Variants in FAM168A observed in about 807,000 individuals in gnomAD.
FAM168A encodes protein FAM168A.
In FAM168A, 3 loss-of-function variants were observed where a neutral mutation model predicts 28.5. The observed-to-expected ratio is 0.11, with a 90% CI of 0.05 to 0.27. The LOEUF (loss-of-function observed/expected upper bound fraction) is 0.27, where lower values mean the gene tolerates loss of function less well. Among genes scored for constraint, FAM168A ranks in the 10% least tolerant of loss-of-function variants. FAM168A has a pLI of 1.00. For missense variants in FAM168A, 222 were observed against 311.5 expected, an observed-to-expected ratio of 0.71 and a Z score of 2.16; for synonymous variants, 122 against 124.2, an observed-to-expected ratio of 0.98 and a Z score of 0.12.
At chr11:73,515,790 T>C (rs1448011553) in intron 1 of FAM168A, among the ~76,000 whole-genome samples, 1 of 152,102 alleles carries the variant, frequency 6.6e-6, no homozygotes, top group African/African-American at 2.4e-5. Flanking sequence ...AGGTAACATT[T>C]TGGCTCAGTC....
intron 1 of FAM168A, among the ~76,000 whole-genome samples, chr11:73,544,902 TATATA>T (rs1347069455): frequency 2.2e-5 from 2 of 90,526 alleles, no homozygotes; most frequent in Non-Finnish European, 3.8e-5. Context: ...TAAAATATAT[TATATA>T]ATATATATTA....
intron 1 of FAM168A, 33 bp from the exon 2 acceptor site, chr11:73,468,525 T>C (rs749917247): frequency 1.1e-5 from 17 of 1,503,922 alleles, no homozygotes; most frequent in Middle Eastern, 1.7e-4. Flanking sequence ...AGCACTGATA[T>C]TGATTGTTCA....
rs188770672 is a variant in FAM168A, at chr11:73,466,099, C to A, written c.70+2306G>T. ...AGAGAATTTCAAACCAGGAGTGTTTCCAACTCCTCTGTTCCCTGCAGCCAC... is the reference window on the plus strand; with the variant it reads ...AGAGAATTTCAAACCAGGAGTGTTTACAACTCCTCTGTTCCCTGCAGCCAC... On this transcript the variant is annotated intron_variant, in intron 2 of 7. Coordinates refer to ENST00000356467, the MANE Select transcript of FAM168A (RefSeq NM_015159.3). Among the ~76,000 whole-genome samples, 629 of 152,284 alleles carry A rather than the reference C, an allele frequency of 4.1e-3. 4 individuals are homozygous for A. The highest frequency in any genetic ancestry group is 7.1e-3 in the Non-Finnish European group (483 of 68,016).
intron 2 of FAM168A, among the ~76,000 whole-genome samples, chr11:73,464,348 G>A (rs1352246588): frequency 1.4e-5 from 2 of 138,228 alleles, no homozygotes; most frequent in African/African-American, 3.1e-5. Flanking sequence ...AACAAACACT[G>A]GTTTAAAAAA....
Position 73,478,391 on chromosome 11 carries a change from T to C in FAM168A, c.-18-9899A>G, listed in dbSNP as rs755225653. Among the ~76,000 whole-genome samples the C allele has an allele frequency of 9.2e-5, 14 of 152,188 alleles. 1 individual carries two copies. Among genetic ancestry groups the C allele is most frequent in the Non-Finnish European group, 7.3e-5 (5 of 68,028 alleles). ...AGAACACATATTGCATGATTCCATT[T>C]ATATGAAATGTTCAGAAAAGACAAA... is the stretch of plus-strand genomic sequence containing the variant. On this transcript the variant is annotated intron_variant, in intron 1 of 7. Coordinates refer to ENST00000356467, the MANE Select transcript of FAM168A (RefSeq NM_015159.3).
intron 1 of FAM168A, among the ~76,000 whole-genome samples, chr11:73,505,972 A>G (rs1416668012): frequency 6.6e-6 from 1 of 152,202 alleles, no homozygotes; most frequent in East Asian, 1.9e-4. Context: ...CAATATGACT[A>G]TACAAGCTCT....
intron 1 of FAM168A, among the ~76,000 whole-genome samples, chr11:73,565,700 T>C (rs970890640): frequency 6.6e-6 from 1 of 152,166 alleles, no homozygotes; most frequent in African/African-American, 2.4e-5. Context: ...TCTAACTTCA[T>C]AAAGAGCAGA....
chr11:73,529,395 A>C (rs1453142840), intron 1 of FAM168A, among the ~76,000 whole-genome samples: 1 of 152,142 alleles, frequency 6.6e-6, no homozygotes, highest in Non-Finnish European at 1.5e-5. Flanking sequence ...GGATTTTAAA[A>C]ATGGGCTCCA....
At chr11:73,537,958 G>A (rs571733053) in intron 1 of FAM168A, among the ~76,000 whole-genome samples, 1 of 152,192 alleles carries the variant, frequency 6.6e-6, no homozygotes, top group South Asian at 2.1e-4. Flanking sequence ...AAATAGAAGG[G>A]AATAATTAAT....
At chr11:73,484,618 CTATATA>C (rs1220474907) in intron 1 of FAM168A, among the ~76,000 whole-genome samples, 86 of 140,466 alleles carry the variant, frequency 6.1e-4, no homozygotes, top group African/African-American at 2.2e-3. Context: ...CGATATATAT[CTATATA>C]TAGATATCTA....
chr11:73,532,059 C>T (rs954764870), intron 1 of FAM168A, among the ~76,000 whole-genome samples: 1 of 151,046 alleles, frequency 6.6e-6, no homozygotes, highest in African/African-American at 2.4e-5. Context: ...GCAGTCTACC[C>T]TCCTTGGCCT....
rs74843763 is a variant in FAM168A, at chr11:73,586,644, T to G, written c.-19+11279A>C. 8.7e-3 allele frequency among the ~76,000 whole-genome samples: 1,318 copies of G among 152,326 alleles called. 30 individuals carry two copies. The highest frequency in any genetic ancestry group is 0.03 in the African/African-American group (1,265 of 41,562). ...TAGCACTATGACTTGTCTAGACTAC[T>G]TCTTTCTCCATTCTCCTCTGTCCAA... On this transcript the variant is annotated intron_variant, in intron 1 of 7. Transcript: ENST00000356467.
At chr11:73,580,527 T>C in intron 1 of FAM168A, 1 of 593,730 alleles carries the variant, frequency 1.7e-6, no homozygotes, top group Non-Finnish European at 3.2e-6. Context: ...AAGCGAAGTG[T>C]GTGCATTTTT....
chr11:73,575,514 C>T (rs78317778), intron 1 of FAM168A, among the ~76,000 whole-genome samples: 1,911 of 152,212 alleles, frequency 0.013, 48 homozygotes, highest in African/African-American at 0.044. Context: ...AGTTACTAAA[C>T]GTGTCTTAAC....
At chr11:73,498,326 T>A (rs1359334256) in intron 1 of FAM168A, among the ~76,000 whole-genome samples, 1 of 152,082 alleles carries the variant, frequency 6.6e-6, no homozygotes, top group Non-Finnish European at 1.5e-5. Context: ...GGACCCCCCC[T>A]TCCCCCCAGC....
intron 1 of FAM168A, among the ~76,000 whole-genome samples, chr11:73,505,001 T>A (rs1855078508): frequency 6.6e-6 from 1 of 151,758 alleles, no homozygotes; most frequent in African/African-American, 2.4e-5. Flanking sequence ...CCAGGGCCTG[T>A]TGCAGGGTGA....
chr11:73,430,510 C>G lies in FAM168A; in HGVS notation c.151+180G>C, dbSNP rs574128406. On this transcript the variant is annotated intron_variant, in intron 3 of 7. Coordinates refer to ENST00000356467, the MANE Select transcript of FAM168A (RefSeq NM_015159.3). ...GACAGAGTGGAGGAGATTCTATTCC[C>G]GCCCCTACCCTGAGGCTGATTGTCC... 3.1e-4 allele frequency: 183 copies of G among 587,706 alleles called. 1 individual carries two copies. Among genetic ancestry groups the G allele is most frequent in the Non-Finnish European group, 4.9e-4 (157 of 322,908 alleles). 36.4% of individuals were successfully genotyped at this position (587,706 alleles called of 1,614,324 possible).
chr11:73,596,673 C>CCT (rs1204165358), intron 1 of FAM168A, among the ~76,000 whole-genome samples: 1 of 152,098 alleles, frequency 6.6e-6, no homozygotes, highest in Non-Finnish European at 1.5e-5. Context: ...AACCCTTAAC[C>CCT]CTCATGTGTC....
At chr11:73,463,055 A>C (rs549148556) in intron 2 of FAM168A, among the ~76,000 whole-genome samples, 1 of 151,950 alleles carries the variant, frequency 6.6e-6, no homozygotes, top group South Asian at 2.1e-4. Context: ...TGCAACCTCC[A>C]CCTCCCAGGT....
Sources: allele counts gnomAD v4.1 joint callset (sites outside exome capture counted in the v4.1 genomes callset), GRCh38; gene constraint gnomAD v4.1.1; transcripts MANE v1.5; gene names NCBI Gene and HGNC (gene_info 2026-07-23, HGNC 2026-07-21).